Variants in EYA2 observed in about 807,000 individuals in gnomAD.
EYA2 encodes protein phosphatase EYA2.
A neutral mutation model predicts 69.2 loss-of-function variants in EYA2; 31 were observed. That is an observed-to-expected ratio of 0.45 (90% CI 0.34 to 0.60). EYA2 has a LOEUF of 0.60. Among genes scored for constraint, EYA2 ranks in the 20% least tolerant of loss-of-function variants. The pLI, the probability that EYA2 is intolerant of heterozygous loss-of-function variation, is 0.02. For missense variants in EYA2, 622 were observed against 701.2 expected (o/e 0.89, Z 1.28); for synonymous variants, 257 against 279.4 (o/e 0.92, Z 0.80).
intron 7 of EYA2, among the ~76,000 whole-genome samples, chr20:47,087,206 G>A (rs2031923879): frequency 6.6e-6 from 1 of 152,150 alleles, no homozygotes; most frequent in African/African-American, 2.4e-5. Flanking sequence ...ACAAAGTTCA[G>A]TCCCTTGGGT....
intron 1 of EYA2, among the ~76,000 whole-genome samples, chr20:46,981,890 T>C (rs1980856085): frequency 7.4e-6 from 1 of 135,360 alleles, no homozygotes; most frequent in African/African-American, 3.2e-5. Context: ...ATTTATTCTG[T>C]TTGCATTTAC....
chr20:47,067,938 ATGT>A (rs1191229627), intron 5 of EYA2, among the ~76,000 whole-genome samples: 1 of 152,216 alleles, frequency 6.6e-6, no homozygotes, highest in Non-Finnish European at 1.5e-5. Flanking sequence ...CCCTTGAAAA[ATGT>A]TGTGCCATTT....
At position 47,181,366 on chromosome 20, in the gene EYA2, G is replaced by T. The variant is rs1446757613; in HGVS notation, c.1435+430G>T. ...CTTATGGTTTTATTCTCATGTATGG[G>T]GTCAAATCAGAGTCCTAGCCCATCC... On this transcript the variant is annotated intron_variant, in intron 14 of 15. Transcript: ENST00000327619. Among the ~76,000 whole-genome samples, 3 of 152,064 alleles carry T rather than the reference G, an allele frequency of 2.0e-5. No homozygotes were observed. In the East Asian group the frequency reaches 5.8e-4, roughly 29 times the overall value.
intron 4 of EYA2, among the ~76,000 whole-genome samples, chr20:47,006,299 A>G (rs2146353519): frequency 6.6e-6 from 1 of 152,272 alleles, no homozygotes; most frequent in South Asian, 2.1e-4. Context: ...ACCCAAAACA[A>G]CTGATCTGAA....
intron 5 of EYA2, among the ~76,000 whole-genome samples, chr20:47,060,612 G>A (rs1460073406): frequency 6.6e-6 from 1 of 152,234 alleles, no homozygotes; most frequent in African/African-American, 2.4e-5. Flanking sequence ...AGGCCAAGTG[G>A]TATCTGCCAC....
chr20:47,037,939 C>G (rs377700736), intron 5 of EYA2, among the ~76,000 whole-genome samples: 2 of 152,198 alleles, frequency 1.3e-5, no homozygotes, highest in African/African-American at 4.8e-5. Context: ...GTTCTCTCTA[C>G]CACACGTGTT....
rs764094376 is a variant in EYA2 at position 47,179,775 on chromosome 20, A to G, written c.1199-23A>G. 12 of 1,543,660 alleles carry G rather than the reference A, an allele frequency of 7.8e-6. No individual in the cohort carries two copies. In the Admixed American group the frequency reaches 2.0e-4, roughly 26 times the overall value. Reference sequence around the variant, plus strand: ...CAGATCTTTCTAATACGATGACTACATCTTTATTTCCTTTGTCCACAGGGT... The same window carrying G: ...CAGATCTTTCTAATACGATGACTACGTCTTTATTTCCTTTGTCCACAGGGT... On this transcript the variant is annotated intron_variant, in intron 12 of 15. Coordinates refer to ENST00000327619, the MANE Select transcript of EYA2 (RefSeq NM_005244.5).
At chr20:46,958,907 T>A (rs1464582522) in intron 1 of EYA2, among the ~76,000 whole-genome samples, 1 of 152,268 alleles carries the variant, frequency 6.6e-6, no homozygotes, top group African/African-American at 2.4e-5. Flanking sequence ...TATTCCATGG[T>A]GGATACGTAC....
chr20:47,097,114 A>C lies in EYA2; in HGVS notation c.834A>C (p.Thr278=), dbSNP rs1440529002. 1 of 1,611,498 alleles carries C rather than the reference A, an allele frequency of 6.2e-7. No individual in the cohort carries two copies. ...ERVFVWDLDE[T]IIIFHSLLTG... Reference sequence around the variant, plus strand: ...TGTTCGTGTGGGACTTGGATGAGACAATAATTATTTTTCACTCCTTACTCA... The same window carrying C: ...TGTTCGTGTGGGACTTGGATGAGACCATAATTATTTTTCACTCCTTACTCA... The change falls in exon 9 of 16, where the codon ACA becomes ACC. Residue 278 remains threonine, a synonymous_variant. Coordinates refer to ENST00000327619, the MANE Select transcript of EYA2 (RefSeq NM_005244.5).
At chr20:47,167,530 C>T (rs1433838709) in intron 10 of EYA2, among the ~76,000 whole-genome samples, 6 of 151,948 alleles carry the variant, frequency 3.9e-5, no homozygotes, top group Non-Finnish European at 5.9e-5. Context: ...GTGATCCACC[C>T]GCCTCAGCCT....
chr20:47,082,765 A>G lies in EYA2; in HGVS notation c.662-6474A>G, dbSNP rs143346414. ...ATGCAGAGGACCAAGAAGGGCCACA[A>G]TGACTTTTGTAGAGAAGAACAAAGT... On this transcript the variant is annotated intron_variant, in intron 7 of 15. Coordinates refer to ENST00000327619, the MANE Select transcript of EYA2 (RefSeq NM_005244.5). Among the ~76,000 whole-genome samples, 12 of 152,340 alleles carry G rather than the reference A, an allele frequency of 7.9e-5. No individual in the cohort carries two copies. The South Asian group carries it at 8.3e-4, about 11-fold the overall frequency.
intron 10 of EYA2, chr20:47,166,958 A>G (rs1387229437): frequency 6.5e-6 from 1 of 154,258 alleles, no homozygotes; most frequent in Non-Finnish European, 1.5e-5. Context: ...CCCCATCAAC[A>G]TATTATCATG....
chr20:46,987,964 C>CTCTATATA (rs1555809797), intron 1 of EYA2, among the ~76,000 whole-genome samples: 5 of 11,272 alleles, frequency 4.4e-4, no homozygotes, highest in South Asian at 4.8e-3. Context: ...CTCTCTCTCT[C>CTCTATATA]TATATATATA....
chr20:47,008,140 A>C (rs1480148127), intron 4 of EYA2, among the ~76,000 whole-genome samples: 1 of 152,242 alleles, frequency 6.6e-6, no homozygotes, highest in African/African-American at 2.4e-5. Flanking sequence ...GCATCAGTCC[A>C]GGCTTAGTAA....
At chr20:47,014,477 GACTC>G (rs1386118242) in intron 4 of EYA2, among the ~76,000 whole-genome samples, 1 of 152,178 alleles carries the variant, frequency 6.6e-6, no homozygotes, top group African/African-American at 2.4e-5. Context: ...GGAGAAGCAG[GACTC>G]ACTCAGTGAC....
At chr20:47,164,433 G>A (rs548541142) in intron 10 of EYA2, among the ~76,000 whole-genome samples, 2 of 152,320 alleles carry the variant, frequency 1.3e-5, no homozygotes, top group African/African-American at 4.8e-5. Context: ...CCTGAGCCCG[G>A]GTGACCCCAG....
intron 1 of EYA2, among the ~76,000 whole-genome samples, chr20:46,983,983 C>A (rs369200256): frequency 7.8e-4 from 119 of 152,266 alleles, no homozygotes; most frequent in African/African-American, 2.8e-3. Context: ...ACTAAAAATA[C>A]AAGCTATCCC....
chr20:47,138,461 T>C (rs1266189438), intron 9 of EYA2, among the ~76,000 whole-genome samples: 2 of 152,076 alleles, frequency 1.3e-5, no homozygotes, highest in African/African-American at 4.8e-5. Context: ...TTTAAAAAAT[T>C]CTAGAAGGCT....
intron 9 of EYA2, among the ~76,000 whole-genome samples, chr20:47,134,431 T>G (rs1047034175): frequency 3.3e-5 from 5 of 152,242 alleles, no homozygotes; most frequent in African/African-American, 1.2e-4. Context: ...ATATAAACAG[T>G]AGCTATTATT....
Sources: allele counts gnomAD v4.1 joint callset (sites outside exome capture counted in the v4.1 genomes callset), GRCh38; gene constraint gnomAD v4.1.1; transcripts MANE v1.5; gene names NCBI Gene and HGNC (gene_info 2026-07-23, HGNC 2026-07-21).